The following EMILIN2 variants were observed in gnomAD, a reference collection of about 807,000 sequenced individuals.
The protein encoded by EMILIN2 is elastin microfibril interfacer 2, also known as EMILIN-2.
Under a neutral mutation model 87.1 loss-of-function variants are expected in EMILIN2, and 71 were observed. That is an observed-to-expected ratio of 0.82 (90% confidence interval 0.67 to 0.99). The LOEUF is 0.99. Among genes scored for constraint, EMILIN2 ranks in the 50% least tolerant of loss-of-function variants. EMILIN2 has a pLI of 0.00. For missense variants in EMILIN2, 1,407 were observed against 1,371.8 expected (o/e 1.03, Z -0.40); for synonymous variants, 581 against 563.4 (o/e 1.03, Z -0.44).
intron 2 of EMILIN2, among the ~76,000 whole-genome samples, chr18:2,873,085 A>G (rs9951458): frequency 0.18 from 27,599 of 151,486 alleles, 4,199 homozygotes; most frequent in African/African-American, 0.42. Context: ...TTAATTTTAA[A>G]GAAATGGGAA....
Position 2,914,959 on chromosome 18 carries a change from G to A in EMILIN2, c.*1555G>A, listed in dbSNP as rs1157417174. On this transcript the variant is annotated 3_prime_UTR_variant, in exon 8 of 8. Transcript: ENST00000254528. The stretch of plus-strand genomic sequence containing the variant: ...TCAGAGAGTATCCTTGGCTGTCCTA[G>A]GAATGACTCATGGAAAGCGCCCCAG... 6.6e-6 allele frequency: 1 copy of A among 152,218 alleles called. No individual in the cohort carries two copies. Among genetic ancestry groups the A allele is most frequent in the Non-Finnish European group, 1.5e-5 (1 of 68,050 alleles). The allele number at this position is 152,218 out of a possible 1,614,324, so 9.4% of individuals were successfully genotyped here.
In EMILIN2 at chr18:2,910,517, C is replaced by G. The variant is rs191707768; in HGVS notation, c.2824+698C>G. ...AAACAGGGTCCAGGGGTGCCTGGGC[C>G]CATCAGGACAGAGCTCCCAGGCAGG... is the stretch of plus-strand genomic sequence containing the variant. On this transcript the variant is annotated intron_variant, in intron 7 of 7. Coordinates refer to ENST00000254528, the MANE Select transcript of EMILIN2 (RefSeq NM_032048.3). Among the ~76,000 whole-genome samples, 204 of 152,242 alleles carry G rather than the reference C, an allele frequency of 1.3e-3. 2 individuals are homozygous for G. The highest frequency in any genetic ancestry group is 4.5e-3 in the African/African-American group (188 of 41,548).
intron 6 of EMILIN2, among the ~76,000 whole-genome samples, chr18:2,909,375 TATGTGTGCTCACAA>T (rs906443262): frequency 6.6e-6 from 1 of 151,990 alleles, no homozygotes; most frequent in Non-Finnish European, 1.5e-5. Flanking sequence ...GGCCTCCTAA[TATGTGTGCTCACAA>T]GTGTGTGCAC....
intron 2 of EMILIN2, among the ~76,000 whole-genome samples, chr18:2,870,637 G>A (rs1035955162): frequency 3.9e-5 from 6 of 152,258 alleles, no homozygotes; most frequent in East Asian, 1.9e-4. Context: ...GGAGGAATCC[G>A]AGAACTTGTT....
At chr18:2,851,882 G>T (rs922801289) in intron 2 of EMILIN2, among the ~76,000 whole-genome samples, 1 of 152,182 alleles carries the variant, frequency 6.6e-6, no homozygotes, top group African/African-American at 2.4e-5. Context: ...CCTTCGGGTT[G>T]AATAGTATTG....
In EMILIN2 at chr18:2,891,703, G is replaced by A. The variant is rs753787308; in HGVS notation, c.1576G>A (p.Gly526Arg). ...TCCCCCAGGGGCAGCAGCCCTGCCA[G>A]GAGTGTCAGGGTCAGGAGATGAACG... Reference protein sequence around the residue: ...LSPPGAAALPGVSGSGDERVM... With the variant: ...LSPPGAAALPRVSGSGDERVM... Residue 526 changes from glycine to arginine, a missense_variant, in exon 4 of 8, where the codon GGA becomes AGA. Coordinates refer to ENST00000254528, the MANE Select transcript of EMILIN2 (RefSeq NM_032048.3). The surrounding 1 kb of genome is among the most constrained non-coding windows in gnomAD (Gnocchi z 4.6). 19 of 1,614,024 alleles carry A rather than the reference G, an allele frequency of 1.2e-5. No individual in the cohort carries two copies. In the Admixed American group the frequency reaches 3.2e-4, roughly 27 times the overall value.
intron 2 of EMILIN2, among the ~76,000 whole-genome samples, chr18:2,866,089 T>C (rs1027778004): frequency 6.6e-6 from 1 of 152,202 alleles, no homozygotes; most frequent in Non-Finnish European, 1.5e-5. Flanking sequence ...GTGACCTGAT[T>C]TTCCAGGTGC....
At chr18:2,873,067 C>A (rs1390910802) in intron 2 of EMILIN2, among the ~76,000 whole-genome samples, 8 of 149,142 alleles carry the variant, frequency 5.4e-5, no homozygotes, top group Non-Finnish European at 7.4e-5. Context: ...AAAAACAAAA[C>A]CAAAAACTTA....
At chr18:2,862,266 G>C (rs1366137257) in intron 2 of EMILIN2, among the ~76,000 whole-genome samples, 5 of 152,046 alleles carry the variant, frequency 3.3e-5, no homozygotes, top group Admixed American at 6.6e-5. Flanking sequence ...ACTTCCAACA[G>C]TATGTTGAAT....
intron 4 of EMILIN2, among the ~76,000 whole-genome samples, chr18:2,897,041 C>T (rs2076866997): frequency 6.6e-6 from 1 of 152,164 alleles, no homozygotes; most frequent in African/African-American, 2.4e-5. Flanking sequence ...TTCTCAAAGG[C>T]TATGAGGAAG....
At chr18:2,870,896 C>T (rs2076716090) in intron 2 of EMILIN2, among the ~76,000 whole-genome samples, 1 of 152,210 alleles carries the variant, frequency 6.6e-6, no homozygotes, top group Non-Finnish European at 1.5e-5. Context: ...TTCACATAAT[C>T]TTCCCTTCTG....
At chr18:2,883,156 G>A (rs1476759463) in intron 2 of EMILIN2, among the ~76,000 whole-genome samples, 1 of 152,136 alleles carries the variant, frequency 6.6e-6, no homozygotes. Context: ...ATTCTGCAGG[G>A]TGCCTAGCCA....
Position 2,876,273 on chromosome 18 carries a change from G to A in EMILIN2, c.258-8691G>A, listed in dbSNP as rs546649065. Among the ~76,000 whole-genome samples the A allele has an allele frequency of 2.2e-4, 33 of 151,826 alleles. No individual in the cohort carries two copies. In the South Asian group the frequency reaches 5.6e-3, roughly 26 times the overall value. ...TGGGATTACAGACATGAGCCAACGCGCCCGGCCAGGGTTTTAGATTTTAAA... is the reference window on the plus strand; with the variant it reads ...TGGGATTACAGACATGAGCCAACGCACCCGGCCAGGGTTTTAGATTTTAAA... On this transcript the variant is annotated intron_variant, in intron 2 of 7. Transcript: ENST00000254528.
Position 2,891,012 on chromosome 18 carries a change from A to T in EMILIN2, c.885A>T (p.Arg295Ser). 6.2e-7 allele frequency: 1 copy of T among 1,614,232 alleles called. No individual in the cohort carries two copies. The highest frequency in any genetic ancestry group is 8.5e-7 in the Non-Finnish European group (1 of 1,180,048). ...GKVKGYEGQL[R>S]QLQEAAQGPT... The stretch of plus-strand genomic sequence containing the variant: ...TGAAGGGCTACGAAGGGCAGCTCAG[A>T]CAGCTCCAGGAAGCAGCTCAGGGCC... Residue 295 changes from arginine (R) to serine (S), a missense_variant, in exon 4 of 8, where the codon AGA (arginine) becomes AGT (serine). Arg to Ser is a moderately radical substitution (Grantham distance 110). Coordinates refer to ENST00000254528, the MANE Select transcript of EMILIN2 (RefSeq NM_032048.3). The surrounding 1 kb of genome is among the most constrained non-coding windows in gnomAD (Gnocchi z 4.6).
In EMILIN2 at chr18:2,847,975, G is replaced by T; in HGVS notation, c.257+44G>T. ...GAGCGGGCGGGGCGCGCCCGGGCCG[G>T]GGCGGTGGGGGTGGGGTGGGGTTGC... On this transcript the variant is annotated intron_variant, in intron 2 of 7. Coordinates refer to ENST00000254528, the MANE Select transcript of EMILIN2 (RefSeq NM_032048.3). This position sits in a 1 kb window ranked among gnomAD's most constrained non-coding sequence, Gnocchi z 4.5. 2 of 1,536,780 alleles carry T rather than the reference G, an allele frequency of 1.3e-6. No homozygotes were observed. Among genetic ancestry groups the T allele is most frequent in the South Asian group, 1.2e-5 (1 of 83,600 alleles).
intron 2 of EMILIN2, among the ~76,000 whole-genome samples, chr18:2,858,915 C>CG (rs2076646555): frequency 6.6e-6 from 1 of 152,004 alleles, no homozygotes; most frequent in Admixed American, 6.6e-5. Context: ...GGATTACAGG[C>CG]GTGAGCCACC....
rs532030306 is a variant in EMILIN2, at chr18:2,894,778, C to G, written c.2359+2292C>G. ...ATAAACAAGCAGAGCCTCCTCTGCCCTTGTCTAGCATCCAGGTCTAGGAGA... is the reference window on the plus strand; with the variant it reads ...ATAAACAAGCAGAGCCTCCTCTGCCGTTGTCTAGCATCCAGGTCTAGGAGA... On this transcript the variant is annotated intron_variant, in intron 4 of 7. Transcript: ENST00000254528. This position sits in a 1 kb window ranked among gnomAD's most constrained non-coding sequence, Gnocchi z 5.0. Among the ~76,000 whole-genome samples, 1 of 152,254 alleles carries G rather than the reference C, an allele frequency of 6.6e-6. No individual in the cohort carries two copies. Among genetic ancestry groups the G allele is most frequent in the African/African-American group, 2.4e-5 (1 of 41,556 alleles).
Position 2,847,165 on chromosome 18 carries a change from CG to C in EMILIN2, c.-20del, listed in dbSNP as rs1299669711. The stretch of plus-strand genomic sequence containing the variant: ...CCGCCGCGCTCCGGACCCGGGCAGG[CG>C]GGGCGCGCCCGCTGCGCGCGGGATG... On this transcript the variant is annotated 5_prime_UTR_variant, in exon 1 of 8. Transcript: ENST00000254528. This position sits in a 1 kb window ranked among gnomAD's most constrained non-coding sequence, Gnocchi z 4.5. 1 of 1,078,728 alleles carries C rather than the reference CG, an allele frequency of 9.3e-7. No individual in the cohort carries two copies. Among genetic ancestry groups the C allele is most frequent in the Non-Finnish European group, 1.1e-6 (1 of 894,744 alleles). The allele number at this position is 1,078,728 out of a possible 1,614,324, so 66.8% of individuals were successfully genotyped here.
chr18:2,906,861 GC>G lies in EMILIN2; in HGVS notation c.2442del (p.Ala815GlnfsTer81), dbSNP rs1365800961. On this transcript the variant is annotated frameshift_variant, in exon 5 of 8. Transcript: ENST00000254528. LOFTEE classifies it high-confidence loss of function. ...QPEPAPPRPS[G>X]PATAEDPGRR... is the part of the protein sequence containing the mutation. ...GAGCCCGCCCCGCCGAGGCCCAGCGGCCCCGCAACCGCAGAGGACCCTGGGC... is the reference window on the plus strand; with the variant it reads ...GAGCCCGCCCCGCCGAGGCCCAGCGGCCCGCAACCGCAGAGGACCCTGGGC... The G allele has an allele frequency of 7.3e-7, 1 of 1,366,594 alleles. No homozygotes were observed. Among genetic ancestry groups the G allele is most frequent in the Non-Finnish European group, 9.4e-7 (1 of 1,059,550 alleles). The allele number at this position is 1,366,594 out of a possible 1,614,324, so 84.7% of individuals were successfully genotyped here. A position where few individuals can be genotyped will look rare whatever the true frequency, so the allele number is the denominator to read the frequency against.
Sources: gnomAD v4.1 joint callset for allele counts (sites outside exome capture counted in the v4.1 genomes callset) on GRCh38, gnomAD v4.1.1 for gene constraint, Gnocchi (gnomAD v3.1) non-coding constraint, MANE v1.5 for transcripts, NCBI Gene and HGNC (gene_info 2026-07-23, HGNC 2026-07-21) for gene names.